Variants in WNK1 observed in about 807,000 individuals in gnomAD.
The protein encoded by WNK1 is WNK lysine deficient protein kinase 1, also known as serine/threonine-protein kinase WNK1.
WNK1 carries 38 observed loss-of-function variants against 222.8 expected under a neutral mutation model. The ratio of observed to expected loss-of-function variants is 0.17; its 90% CI spans 0.13 to 0.22. The LOEUF (loss-of-function observed/expected upper bound fraction) is 0.22, where lower values mean the gene tolerates loss of function less well. Ranked by LOEUF, WNK1 falls within the 10% of genes least tolerant of loss-of-function variation. The pLI is 1.00. For synonymous variants in WNK1, 1,090 were observed against 1,092.9 expected (o/e 1.00, Z 0.05); for missense variants, 2,348 against 2,918.4 (o/e 0.80, Z 4.50).
At position 753,831 on chromosome 12, in the gene WNK1, A is replaced by G. The variant is rs886049866; in HGVS notation, c.266A>G (p.Asn89Ser). The change falls in exon 1 of 28, where the codon AAT becomes AGT. Residue 89 changes from asparagine (N) to serine (S), a missense_variant. By Grantham distance (46) the Asn-to-Ser change is conservative. Coordinates refer to ENST00000315939, the MANE Select transcript of WNK1 (RefSeq NM_018979.4). The surrounding 1 kb of genome is among the most constrained non-coding windows in gnomAD (Gnocchi z 5.2). ...CGCCGGAGCGTCATCTGTGACTCCA[A>G]TGCCACTGCACTGGAGCTTCCCGGC... The part of the protein sequence containing the change: ...FFRRSVICDS[N>S]ATALELPGLP... 15 of 1,612,584 alleles carry G rather than the reference A, an allele frequency of 9.3e-6. No individual in the cohort carries two copies. The highest frequency in any genetic ancestry group is 4.5e-5 in the East Asian group (2 of 44,882).
chr12:785,405 C>A (rs11064533), intron 1 of WNK1, among the ~76,000 whole-genome samples: 2,333 of 118,240 alleles, frequency 0.02, 111 homozygotes, highest in East Asian at 0.14. Context: ...TTCTCCCCCC[C>A]CCCCACCCCC....
At chr12:800,033 A>G (rs1422574146) in intron 1 of WNK1, among the ~76,000 whole-genome samples, 2 of 152,108 alleles carry the variant, frequency 1.3e-5, no homozygotes, top group Non-Finnish European at 2.9e-5. Flanking sequence ...AGTCCCAGCT[A>G]CTTGGGAGGC....
chr12:886,119 T>C, intron 19 of WNK1, 35 bp downstream of exon 19: 2 of 1,463,420 alleles, frequency 1.4e-6, no homozygotes, highest in East Asian at 2.5e-5. Context: ...TAGATAAATA[T>C]GATCAGTTTT....
At chr12:860,533 T>C (rs1951126040) in intron 6 of WNK1, among the ~76,000 whole-genome samples, 1 of 152,244 alleles carries the variant, frequency 6.6e-6, no homozygotes, top group South Asian at 2.1e-4. Flanking sequence ...TTGTATTGTC[T>C]GAGCTTTTTT....
chr12:829,722 G>T (rs1445974938), intron 3 of WNK1, among the ~76,000 whole-genome samples: 2 of 151,920 alleles, frequency 1.3e-5, no homozygotes, highest in Non-Finnish European at 2.9e-5. Flanking sequence ...TTTTATTTTG[G>T]CATATTGTAT....
chr12:828,311 T>TA (rs1046426314), intron 3 of WNK1, among the ~76,000 whole-genome samples: 4 of 151,546 alleles, frequency 2.6e-5, no homozygotes, highest in East Asian at 1.9e-4. Flanking sequence ...ATCTCCAAAA[T>TA]AAAAAAAATA....
chr12:780,944 A>G (rs976856580), intron 1 of WNK1, among the ~76,000 whole-genome samples: 7 of 152,232 alleles, frequency 4.6e-5, no homozygotes, highest in African/African-American at 1.7e-4. Context: ...GTAGTTTGCT[A>G]TAGACAGACT....
chr12:799,185 G>T (rs907189848), intron 1 of WNK1, among the ~76,000 whole-genome samples: 1 of 151,334 alleles, frequency 6.6e-6, no homozygotes, highest in Admixed American at 6.6e-5. Flanking sequence ...GTGCAGTGGC[G>T]CAATTTCAGC....
At chr12:842,974 C>T (rs774270970) in intron 4 of WNK1, among the ~76,000 whole-genome samples, 2 of 152,054 alleles carry the variant, frequency 1.3e-5, no homozygotes, top group Non-Finnish European at 2.9e-5. Flanking sequence ...CTCTCGCTGT[C>T]GCCCAGGTTG....
rs757995128 is a variant in WNK1, at chr12:830,046, T to C, written c.1197T>C (p.Tyr399=). The C allele has an allele frequency of 5.6e-6, 9 of 1,613,988 alleles. No individual in the cohort carries two copies. The East Asian group carries it at 6.7e-5, about 12-fold the overall frequency. The stretch of plus-strand genomic sequence containing the variant: ...CCCCTGAGATGTATGAGGAGAAATA[T>C]GATGAATCCGTTGACGTTTATGCTT... ...FMAPEMYEEK[Y]DESVDVYAFG... Residue 399 remains tyrosine (Y), a synonymous_variant, in exon 4 of 28, where the codon TAT becomes TAC. Coordinates refer to ENST00000315939, the MANE Select transcript of WNK1 (RefSeq NM_018979.4).
At position 837,589 on chromosome 12, in the gene WNK1, A is replaced by G. The variant is rs1244095246; in HGVS notation, c.1311+7429A>G. Among the ~76,000 whole-genome samples, 14 of 55,060 alleles carry G rather than the reference A, an allele frequency of 2.5e-4. No individual in the cohort carries two copies. In the East Asian group the frequency reaches 0.013, roughly 51 times the overall value. 36.1% of individuals were successfully genotyped at this position (55,060 alleles called of 152,430 possible). On this transcript the variant is annotated intron_variant, in intron 4 of 27. Transcript: ENST00000315939. Reference sequence around the variant, plus strand: ...ACCCTGTCTAAAAAAAAAAAAAAAAAAAAGAAAAGAAAAGAAAAAAGATAG... The same window carrying G: ...ACCCTGTCTAAAAAAAAAAAAAAAAGAAAGAAAAGAAAAGAAAAAAGATAG...
Position 818,059 on chromosome 12 carries a change from G to C in WNK1, c.932+4245G>C, listed in dbSNP as rs959298636. ...TATCATACAATTAACATTTTAGAAA[G>C]TACAATTCAGTGGCACTTAGTACAT... is the stretch of plus-strand genomic sequence containing the variant. On this transcript the variant is annotated intron_variant, in intron 2 of 27. Transcript: ENST00000315939. Among the ~76,000 whole-genome samples, 3 of 152,144 alleles carry C rather than the reference G, an allele frequency of 2.0e-5. No individual in the cohort carries two copies. The East Asian group carries it at 5.8e-4, about 29-fold the overall frequency.
chr12:889,716 G>A (rs1001421574), intron 21 of WNK1, among the ~76,000 whole-genome samples: 2 of 152,128 alleles, frequency 1.3e-5, no homozygotes, highest in Non-Finnish European at 2.9e-5. Context: ...TACTCGGGAG[G>A]CTGAGGCAGG....
At chr12:804,276 A>G (rs2054704361) in intron 1 of WNK1, among the ~76,000 whole-genome samples, 1 of 152,206 alleles carries the variant, frequency 6.6e-6, no homozygotes, top group African/African-American at 2.4e-5. Flanking sequence ...TGGTAGTGAA[A>G]TATACATAAC....
In WNK1 at chr12:884,789, A is replaced by G. The variant is rs764193532; in HGVS notation, c.3985A>G (p.Thr1329Ala). The G allele has an allele frequency of 2.5e-6, 4 of 1,614,200 alleles. No individual in the cohort carries two copies. Among genetic ancestry groups the G allele is most frequent in the Non-Finnish European group, 3.4e-6 (4 of 1,180,024 alleles). Residue 1329 changes from threonine (T) to alanine (A), a missense_variant, in exon 19 of 28, where the codon ACA becomes GCA. Coordinates refer to ENST00000315939, the MANE Select transcript of WNK1 (RefSeq NM_018979.4). This position sits in a 1 kb window ranked among gnomAD's most constrained non-coding sequence, Gnocchi z 5.6. Reference protein sequence around the residue: ...PNTAPPNFSHTGPTFPVVPPF... With the variant: ...PNTAPPNFSHAGPTFPVVPPF... The stretch of plus-strand genomic sequence containing the variant: ...CACAGCACCTCCAAACTTTAGTCAT[A>G]CAGGACCAACATTTCCAGTAGTACC...
chr12:771,901 C>G (rs1942549788), intron 1 of WNK1, among the ~76,000 whole-genome samples: 1 of 152,088 alleles, frequency 6.6e-6, no homozygotes, highest in Non-Finnish European at 1.5e-5. Context: ...CCTCCTGTTT[C>G]AGCCTCCCAA....
At position 907,304 on chromosome 12, in the gene WNK1, G is replaced by C. The variant is rs1955791287; in HGVS notation, c.6644-543G>C. ...CCACTGCACTCCAGCCTGAGTAATA[G>C]AGTGAGACTCCATCTCAAAAAAAAA... is the stretch of plus-strand genomic sequence containing the variant. On this transcript the variant is annotated intron_variant, in intron 26 of 27. Coordinates refer to ENST00000315939, the MANE Select transcript of WNK1 (RefSeq NM_018979.4). 3.5e-5 allele frequency among the ~76,000 whole-genome samples: 5 copies of C among 141,932 alleles called. No individual in the cohort carries two copies. The Admixed American group carries it at 3.6e-4, about 10-fold the overall frequency. The allele number at this position is 141,932 out of a possible 152,430, so 93.1% of individuals were successfully genotyped here.
chr12:897,275 G>T (rs1040170201), intron 24 of WNK1, among the ~76,000 whole-genome samples: 3 of 152,124 alleles, frequency 2.0e-5, no homozygotes, highest in Non-Finnish European at 2.9e-5. Context: ...TTTGTTGTTG[G>T]CTAGGAGCTT....
chr12:791,364 T>G (rs892017240), intron 1 of WNK1, among the ~76,000 whole-genome samples: 3 of 151,994 alleles, frequency 2.0e-5, no homozygotes, highest in Admixed American at 1.3e-4. Flanking sequence ...TGCACAACAT[T>G]TCAGTGATAA....
Sources: allele counts gnomAD v4.1 joint callset (sites outside exome capture counted in the v4.1 genomes callset), GRCh38; gene constraint gnomAD v4.1.1; non-coding constraint Gnocchi (gnomAD v3.1); transcripts MANE v1.5; gene names NCBI Gene and HGNC (gene_info 2026-07-23, HGNC 2026-07-21).